PLCG2: variants seen among roughly 807,000 people sequenced by gnomAD.
PLCG2 encodes 1-phosphatidylinositol 4,5-bisphosphate phosphodiesterase gamma-2.
Under a neutral mutation model 175.6 loss-of-function variants are expected in PLCG2, and 69 were observed. The ratio of observed to expected loss-of-function variants is 0.39; its 90% CI spans 0.32 to 0.48. The LOEUF is 0.48. Among genes scored for constraint, PLCG2 ranks in the 20% least tolerant of loss-of-function variants. The pLI is 0.91. For missense variants in PLCG2, 1,798 were observed against 1,650.9 expected (o/e 1.09, Z -1.54); for synonymous variants, 827 against 624.0 (o/e 1.33, Z -4.85).
intron 1 of PLCG2, among the ~76,000 whole-genome samples, chr16:81,743,929 G>T (rs1443427573): frequency 1.3e-5 from 2 of 151,782 alleles, no homozygotes; most frequent in East Asian, 3.9e-4. Context: ...TACGATCTTG[G>T]CTCACTGCAA....
intron 7 of PLCG2, among the ~76,000 whole-genome samples, chr16:81,876,016 C>CT (rs547152035): frequency 0.049 from 5,609 of 114,598 alleles, 301 homozygotes; most frequent in African/African-American, 0.095. Context: ...CTTTTTCTTT[C>CT]TTTTTTTTTT....
At chr16:81,812,698 T>C (rs1904370324) in intron 2 of PLCG2, among the ~76,000 whole-genome samples, 1 of 152,216 alleles carries the variant, frequency 6.6e-6, no homozygotes, top group Non-Finnish European at 1.5e-5. Context: ...TTAGATCCCA[T>C]TTGTTAATTT....
At chr16:81,815,511 C>CTT (rs1317493901) in intron 2 of PLCG2, among the ~76,000 whole-genome samples, 84 of 152,308 alleles carry the variant, frequency 5.5e-4, no homozygotes, top group African/African-American at 1.9e-3. Context: ...TGGTTGGGGG[C>CTT]TGTTTTCTTC....
chr16:81,821,423 C>T (rs915167900), intron 2 of PLCG2, among the ~76,000 whole-genome samples: 1 of 152,044 alleles, frequency 6.6e-6, no homozygotes, highest in Non-Finnish European at 1.5e-5. Context: ...TACAAATGTA[C>T]ATGTGTAGTT....
intron 31 of PLCG2, among the ~76,000 whole-genome samples, chr16:81,952,620 A>G (rs1468357972): frequency 1.3e-5 from 2 of 152,252 alleles, no homozygotes; most frequent in South Asian, 4.1e-4. Context: ...GCATAGCAAA[A>G]TAATGATAAT....
intron 9 of PLCG2, 120 bp downstream of exon 9, chr16:81,883,461 C>T: frequency 1.4e-6 from 1 of 704,436 alleles, no homozygotes; most frequent in Admixed American, 2.2e-5. Flanking sequence ...CACCTGTGCT[C>T]ACCTGGCCAC....
In PLCG2 at chr16:81,854,484, C is replaced by T; in HGVS notation, c.234C>T (p.Asn78=). Reference sequence around the variant, plus strand: ...TAAAAGAAATCCGCCCAGGGAAGAACTCCAAAGATTTCGAGCGAGCAAAAG... The same window carrying T: ...TAAAAGAAATCCGCCCAGGGAAGAATTCCAAAGATTTCGAGCGAGCAAAAG... ...MEIKEIRPGK[N]SKDFERAKAV... Residue 78 remains asparagine (N), a synonymous_variant, in exon 3 of 33, where the codon AAC becomes AAT. Coordinates refer to ENST00000564138, the MANE Select transcript of PLCG2 (RefSeq NM_002661.5). The T allele has an allele frequency of 6.2e-7, 1 of 1,614,034 alleles. No homozygotes were observed. Among genetic ancestry groups the T allele is most frequent in the Non-Finnish European group, 8.5e-7 (1 of 1,179,868 alleles).
chr16:81,817,172 A>T (rs4243216), intron 2 of PLCG2, among the ~76,000 whole-genome samples: 1 of 151,962 alleles, frequency 6.6e-6, no homozygotes. Context: ...GGAAGAGCGC[A>T]CATGATGGGT....
At chr16:81,805,537 CA>C (rs1296416233) in intron 2 of PLCG2, among the ~76,000 whole-genome samples, 1 of 142,256 alleles carries the variant, frequency 7.0e-6, no homozygotes, top group East Asian at 2.0e-4. Context: ...AAGAAAACAA[CA>C]AAAAAAACCA....
At chr16:81,907,804 G>C (rs752221324) in intron 16 of PLCG2, 30 bp downstream of exon 16, 1 of 1,548,150 alleles carries the variant, frequency 6.5e-7, no homozygotes, top group South Asian at 1.1e-5. Context: ...ACATAGGGAG[G>C]AGGTCCCCAG....
intron 25 of PLCG2, among the ~76,000 whole-genome samples, chr16:81,932,228 A>G (rs1371863108): frequency 6.8e-6 from 1 of 146,512 alleles, no homozygotes; most frequent in Non-Finnish European, 1.5e-5. Flanking sequence ...GGAGGTCTGG[A>G]ATTGGGCAGA....
At chr16:81,952,834 G>A (rs962300917) in intron 31 of PLCG2, among the ~76,000 whole-genome samples, 3 of 152,160 alleles carry the variant, frequency 2.0e-5, no homozygotes. Flanking sequence ...AAAGTTGGAG[G>A]AGAAATATAT....
intron 5 of PLCG2, among the ~76,000 whole-genome samples, chr16:81,861,583 G>A (rs57582517): frequency 0.024 from 3,708 of 152,260 alleles, 49 homozygotes; most frequent in Non-Finnish European, 0.03. Context: ...CCACCCTCTC[G>A]TGTTACTGAG....
chr16:81,802,093 C>CATTTTTT (rs1911748140), intron 2 of PLCG2, among the ~76,000 whole-genome samples: 1 of 40,012 alleles, frequency 2.5e-5, no homozygotes, highest in Non-Finnish European at 4.4e-5. Flanking sequence ...TGAGTACAGT[C>CATTTTTT]TTTTTTTTTT....
At chr16:81,822,654 G>A (rs1320639114) in intron 2 of PLCG2, among the ~76,000 whole-genome samples, 1 of 151,332 alleles carries the variant, frequency 6.6e-6, no homozygotes, top group Non-Finnish European at 1.5e-5. Flanking sequence ...CTACTCAGAA[G>A]GCTGAGGCAG....
intron 30 of PLCG2, among the ~76,000 whole-genome samples, chr16:81,942,465 A>AGGAAT (rs1045130187): frequency 1.3e-5 from 2 of 152,166 alleles, no homozygotes; most frequent in African/African-American, 4.8e-5. Context: ...TATTCATGGG[A>AGGAAT]GGAATGAAAT....
At chr16:81,938,118 C>G (rs2083861469) in intron 28 of PLCG2, among the ~76,000 whole-genome samples, 1 of 152,208 alleles carries the variant, frequency 6.6e-6, no homozygotes, top group Non-Finnish European at 1.5e-5. Flanking sequence ...CCTCCTCAAA[C>G]CCACTTCCCC....
intron 2 of PLCG2, among the ~76,000 whole-genome samples, chr16:81,842,369 C>A (rs1905880352): frequency 6.6e-6 from 1 of 152,168 alleles, no homozygotes; most frequent in South Asian, 2.1e-4. Flanking sequence ...CCGGCCTGGA[C>A]AGGGCCTGTC....
At chr16:81,827,906 C>T (rs949898144) in intron 2 of PLCG2, among the ~76,000 whole-genome samples, 5 of 152,078 alleles carry the variant, frequency 3.3e-5, no homozygotes, top group Non-Finnish European at 7.4e-5. Context: ...ACCTGATCAA[C>T]ATGGAGAAAC....
Sources: allele counts gnomAD v4.1 joint callset (sites outside exome capture counted in the v4.1 genomes callset), GRCh38; gene constraint gnomAD v4.1.1; transcripts MANE v1.5; gene names NCBI Gene and HGNC (gene_info 2026-07-23, HGNC 2026-07-21).